The following P4HA1 variants were observed in gnomAD, a reference collection of about 807,000 sequenced individuals.
P4HA1 encodes the protein prolyl 4-hydroxylase subunit alpha-1.
A neutral mutation model predicts 72.8 loss-of-function variants in P4HA1; 24 were observed. The ratio of observed to expected loss-of-function variants is 0.33; its 90% confidence interval spans 0.24 to 0.46. The LOEUF (loss-of-function observed/expected upper bound fraction) is 0.46. Ranked by LOEUF, P4HA1 falls within the 20% of genes least tolerant of loss-of-function variation. The pLI, the probability that P4HA1 is intolerant of heterozygous loss-of-function variation, is 1.00. For missense variants in P4HA1, 446 were observed against 640.6 expected, an observed-to-expected ratio of 0.70 and a Z score of 3.28; for synonymous variants, 201 against 218.8, an observed-to-expected ratio of 0.92 and a Z score of 0.72.
chr10:73,076,860 G>A (rs192543970), intron 1 of P4HA1, among the ~76,000 whole-genome samples: 21 of 152,270 alleles, frequency 1.4e-4, no homozygotes, highest in Admixed American at 1.1e-3. Context: ...TGTGACGTGA[G>A]CTAAACCAAA....
intron 5 of P4HA1, among the ~76,000 whole-genome samples, chr10:73,056,476 A>G (rs535803058): frequency 6.6e-6 from 1 of 151,968 alleles, no homozygotes; most frequent in East Asian, 2.0e-4. Context: ...TACTAAAAAT[A>G]TAAAAATCAG....
At chr10:73,081,879 G>C (rs1017404403) in intron 1 of P4HA1, among the ~76,000 whole-genome samples, 8 of 152,154 alleles carry the variant, frequency 5.3e-5, no homozygotes, top group African/African-American at 1.9e-4. Context: ...CTATGGGCGT[G>C]GTAGCGTGTG....
chr10:73,086,565 C>A (rs1263068007), intron 1 of P4HA1, among the ~76,000 whole-genome samples: 2 of 152,112 alleles, frequency 1.3e-5, no homozygotes, highest in Non-Finnish European at 2.9e-5. Context: ...TTAAAAGCCA[C>A]TGAAATGTAT....
chr10:73,036,129 G>A (rs531394474), intron 9 of P4HA1, among the ~76,000 whole-genome samples: 23 of 150,582 alleles, frequency 1.5e-4, no homozygotes, highest in Non-Finnish European at 2.8e-4. Context: ...AGAGGTTGCA[G>A]TGAGCCGAGA....
intron 5 of P4HA1, among the ~76,000 whole-genome samples, chr10:73,061,865 A>G (rs1841321793): frequency 6.6e-6 from 1 of 152,322 alleles, no homozygotes; most frequent in Admixed American, 6.5e-5. Flanking sequence ...CAAAAAATTT[A>G]AAAATCAGCC....
At chr10:73,044,047 T>C in intron 9 of P4HA1, 1 of 885,048 alleles carries the variant, frequency 1.1e-6, no homozygotes, top group Admixed American at 1.9e-5. Flanking sequence ...CCACAGGTGA[T>C]TGGAAGGGTT....
chr10:73,024,921 C>T (rs1840229688), intron 10 of P4HA1, among the ~76,000 whole-genome samples: 1 of 152,024 alleles, frequency 6.6e-6, no homozygotes, highest in Admixed American at 6.6e-5. Context: ...GACACATACA[C>T]CCAAGACCAA....
At chr10:73,025,059 G>A (rs1018705361) in intron 10 of P4HA1, among the ~76,000 whole-genome samples, 1 of 152,228 alleles carries the variant, frequency 6.6e-6, no homozygotes, top group African/African-American at 2.4e-5. Context: ...GAGGTACTAA[G>A]AGGAGCTGGT....
intron 12 of P4HA1, among the ~76,000 whole-genome samples, chr10:73,013,743 G>A (rs1839957599): frequency 6.6e-6 from 1 of 151,990 alleles, no homozygotes; most frequent in African/African-American, 2.4e-5. Flanking sequence ...AGGGTTTCTG[G>A]GGGTTGTAAT....
intron 5 of P4HA1, among the ~76,000 whole-genome samples, chr10:73,055,180 C>G (rs1001836735): frequency 6.6e-5 from 10 of 152,268 alleles, no homozygotes; most frequent in Non-Finnish European, 8.8e-5. Flanking sequence ...TTACAGTGAG[C>G]TATGACTGCA....
At chr10:73,080,127 T>C (rs1841790650) in intron 1 of P4HA1, among the ~76,000 whole-genome samples, 1 of 152,240 alleles carries the variant, frequency 6.6e-6, no homozygotes, top group African/African-American at 2.4e-5. Flanking sequence ...TGTAAGCTAC[T>C]ACAATAATCT....
intron 9 of P4HA1, among the ~76,000 whole-genome samples, chr10:73,031,265 CTT>C (rs535760791): frequency 6.6e-4 from 101 of 152,302 alleles, no homozygotes; most frequent in African/African-American, 2.2e-3. Context: ...GGAAAGGTCT[CTT>C]GAGGCCAGGA....
At chr10:73,048,844 T>G (rs1213582327) in intron 7 of P4HA1, among the ~76,000 whole-genome samples, 1 of 152,144 alleles carries the variant, frequency 6.6e-6, no homozygotes, top group Non-Finnish European at 1.5e-5. Context: ...AAGAAAATGT[T>G]TAATGAGGGA....
intron 1 of P4HA1, among the ~76,000 whole-genome samples, chr10:73,079,441 C>A (rs950191159): frequency 6.6e-6 from 1 of 151,430 alleles, no homozygotes; most frequent in African/African-American, 2.4e-5. Context: ...AGACTCTATA[C>A]CCGTAAAAAC....
intron 12 of P4HA1, among the ~76,000 whole-genome samples, chr10:73,012,385 T>C (rs991741638): frequency 2.0e-5 from 3 of 152,212 alleles, no homozygotes; most frequent in Non-Finnish European, 4.4e-5. Flanking sequence ...TATAAACTGG[T>C]ACAACCTCTA....
chr10:73,051,612 A>T (rs1453258445), intron 6 of P4HA1, among the ~76,000 whole-genome samples: 6 of 152,106 alleles, frequency 3.9e-5, no homozygotes, highest in Non-Finnish European at 7.4e-5. Context: ...ATACAAAATT[A>T]GCTGGGCGTG....
intron 5 of P4HA1, among the ~76,000 whole-genome samples, chr10:73,059,424 TA>T (rs920360586): frequency 1.1e-3 from 27 of 24,178 alleles, no homozygotes; most frequent in Non-Finnish European, 1.6e-3. Flanking sequence ...ACAATATATT[TA>T]AAAAAAAAAA....
At chr10:73,022,657 A>C (rs1271411362) in intron 10 of P4HA1, among the ~76,000 whole-genome samples, 1 of 152,188 alleles carries the variant, frequency 6.6e-6, no homozygotes, top group African/African-American at 2.4e-5. Flanking sequence ...TGATGAGCTG[A>C]CAGAAGTAGG....
intron 1 of P4HA1, among the ~76,000 whole-genome samples, chr10:73,093,353 T>A (rs12264323): frequency 0.1 from 15,640 of 152,018 alleles, 1,174 homozygotes; most frequent in East Asian, 0.3. Context: ...ATACTGATCA[T>A]CCAAAGGAAG....
Sources: gnomAD v4.1 joint callset for allele counts (sites outside exome capture counted in the v4.1 genomes callset) on GRCh38, gnomAD v4.1.1 for gene constraint, MANE v1.5 for transcripts, NCBI Gene and HGNC (gene_info 2026-07-23, HGNC 2026-07-21) for gene names.